The following ROR2 variants were observed in gnomAD, a reference collection of about 807,000 sequenced individuals.
ROR2 encodes ROR family WNT receptor 2, also known as tyrosine-protein kinase transmembrane receptor ROR2.
In ROR2, 33 loss-of-function variants were observed where a neutral mutation model predicts 74.9. The ratio of observed to expected loss-of-function variants is 0.44; its 90% CI spans 0.33 to 0.59. The LOEUF is 0.59. Ranked by LOEUF, ROR2 falls within the 20% of genes least tolerant of loss-of-function variation. The pLI is 0.02. For synonymous variants in ROR2, 586 were observed against 558.7 expected (o/e 1.05, Z -0.69); for missense variants, 1,216 against 1,313.8 (o/e 0.93, Z 1.15).
chr9:91,811,833 T>C (rs1163601878), intron 1 of ROR2, among the ~76,000 whole-genome samples: 1 of 152,192 alleles, frequency 6.6e-6, no homozygotes, highest in African/African-American at 2.4e-5. Flanking sequence ...TATCTGTGTG[T>C]CTTTCTATTC....
chr9:91,808,650 T>C (rs186746655), intron 1 of ROR2, among the ~76,000 whole-genome samples: 42 of 149,188 alleles, frequency 2.8e-4, no homozygotes, highest in Admixed American at 1.5e-3. Flanking sequence ...TATCATGCAT[T>C]GTAAGTAAGG....
At chr9:91,730,823 A>C in intron 7 of ROR2, 87 bp downstream of exon 7, 3 of 1,576,372 alleles carry the variant, frequency 1.9e-6, no homozygotes, top group Non-Finnish European at 2.6e-6. Context: ...ACAGAGGCAC[A>C]CCCCAACCCA....
intron 1 of ROR2, among the ~76,000 whole-genome samples, chr9:91,896,937 T>C (rs62565677): frequency 0.034 from 5,220 of 152,332 alleles, 137 homozygotes; most frequent in Non-Finnish European, 0.053. Flanking sequence ...CGCCCTCGGC[T>C]GCTCTCCCTA....
chr9:91,833,078 G>C (rs1176433532), intron 1 of ROR2, among the ~76,000 whole-genome samples: 1 of 152,162 alleles, frequency 6.6e-6, no homozygotes, highest in East Asian at 1.9e-4. Context: ...CCCCCAAAGA[G>C]GGACAGGGAA....
At chr9:91,886,446 A>C (rs1006694225) in intron 1 of ROR2, among the ~76,000 whole-genome samples, 2 of 151,628 alleles carry the variant, frequency 1.3e-5, no homozygotes, top group Non-Finnish European at 2.9e-5. Flanking sequence ...TCCTCCCCAC[A>C]CCGCGATCTG....
intron 5 of ROR2, among the ~76,000 whole-genome samples, chr9:91,737,074 C>CG (rs1318097032): frequency 6.6e-6 from 1 of 152,182 alleles, no homozygotes; most frequent in African/African-American, 2.4e-5. Context: ...GTGGCAGGCC[C>CG]GGGGCAGGAG....
intron 1 of ROR2, among the ~76,000 whole-genome samples, chr9:91,810,685 C>T (rs1293154146): frequency 2.0e-5 from 3 of 152,228 alleles, no homozygotes; most frequent in South Asian, 4.1e-4. Context: ...GCAATAAAGG[C>T]TGCCACAAGG....
chr9:91,929,118 T>C (rs1204384526), intron 1 of ROR2, among the ~76,000 whole-genome samples: 1 of 152,200 alleles, frequency 6.6e-6, no homozygotes, highest in Non-Finnish European at 1.5e-5. Flanking sequence ...TCAGAAACAG[T>C]AAACCTCCAC....
chr9:91,824,951 G>T (rs558509277), intron 1 of ROR2, among the ~76,000 whole-genome samples: 1 of 152,220 alleles, frequency 6.6e-6, no homozygotes, highest in Non-Finnish European at 1.5e-5. Context: ...CGGCCCGCTG[G>T]CCCCAAGGAA....
intron 1 of ROR2, among the ~76,000 whole-genome samples, chr9:91,834,735 C>T (rs1202294084): frequency 1.3e-5 from 2 of 152,190 alleles, no homozygotes; most frequent in East Asian, 1.9e-4. Context: ...AGAGCTCTTG[C>T]GATTTTAAAG....
At chr9:91,872,928 C>A (rs1431456987) in intron 1 of ROR2, among the ~76,000 whole-genome samples, 4 of 152,192 alleles carry the variant, frequency 2.6e-5, no homozygotes, top group African/African-American at 9.7e-5. Flanking sequence ...CAAGTGTCCC[C>A]TCGACCATGG....
intron 1 of ROR2, chr9:91,923,909 T>C (rs1333410832): frequency 1.3e-5 from 2 of 152,186 alleles, no homozygotes; most frequent in African/African-American, 4.8e-5. Flanking sequence ...AAGTGTTGGG[T>C]CAACTGTCCT....
intron 1 of ROR2, among the ~76,000 whole-genome samples, chr9:91,893,180 C>G: frequency 6.6e-6 from 1 of 152,060 alleles, no homozygotes; most frequent in African/African-American, 2.4e-5. Flanking sequence ...TAGGAGACAC[C>G]CCTGCCGACT....
chr9:91,872,026 C>T (rs1268492268), intron 1 of ROR2, among the ~76,000 whole-genome samples: 3 of 152,202 alleles, frequency 2.0e-5, no homozygotes, highest in Non-Finnish European at 4.4e-5. Flanking sequence ...GCTGTAACAA[C>T]ACATTATCCA....
intron 4 of ROR2, among the ~76,000 whole-genome samples, chr9:91,752,537 C>T (rs1023873714): frequency 6.6e-6 from 1 of 152,152 alleles, no homozygotes; most frequent in Admixed American, 6.5e-5. Context: ...AAAACTAGTC[C>T]ATTACTTAAA....
intron 5 of ROR2, 141 bp downstream of exon 5, chr9:91,737,250 T>C: frequency 9.0e-7 from 1 of 1,116,910 alleles, no homozygotes; most frequent in South Asian, 1.3e-5. Flanking sequence ...CTAAAAAAGA[T>C]CTCTGGTTTC....
At chr9:91,769,548 T>C (rs1381907809) in intron 2 of ROR2, among the ~76,000 whole-genome samples, 1 of 152,132 alleles carries the variant, frequency 6.6e-6, no homozygotes, top group Non-Finnish European at 1.5e-5. Context: ...AGTCTGACCC[T>C]GCGTGCCCAC....
chr9:91,915,639 TGGGGGAGGTGGGGGGCG>T lies in ROR2; in HGVS notation c.97+34211_97+34227del, dbSNP rs543858190. ...CCTGAGCAGGTTGCTGCTGCTGTCT[TGGGGGAGGTGGGGGGCG>T]GGGGGAGGTGGCCAGCTTTTATTCC... On this transcript the variant is annotated intron_variant, in intron 1 of 8. Coordinates refer to ENST00000375708, the MANE Select transcript of ROR2 (RefSeq NM_004560.4). 1.2e-3 allele frequency among the ~76,000 whole-genome samples: 157 copies of T among 126,830 alleles called. 1 individual carries two copies. Among genetic ancestry groups the T allele is most frequent in the African/African-American group, 4.1e-3 (138 of 33,522 alleles). The allele number at this position is 126,830 out of a possible 152,430, so 83.2% of individuals were successfully genotyped here.
At chr9:91,745,568 G>A (rs999374048) in intron 4 of ROR2, among the ~76,000 whole-genome samples, 7 of 151,054 alleles carry the variant, frequency 4.6e-5, no homozygotes, top group African/African-American at 7.3e-5. Context: ...TGGGATTACA[G>A]GTGTGTGCCA....
Sources: gnomAD v4.1 joint callset for allele counts (sites outside exome capture counted in the v4.1 genomes callset) on GRCh38, gnomAD v4.1.1 for gene constraint, MANE v1.5 for transcripts, NCBI Gene and HGNC (gene_info 2026-07-23, HGNC 2026-07-21) for gene names.